GIN1: variants seen among roughly 807,000 people sequenced by gnomAD.
GIN1 encodes gypsy retrotransposon integrase 1, also known as gypsy retrotransposon integrase-like protein 1.
Under a neutral mutation model 51.4 loss-of-function variants are expected in GIN1, and 41 were observed. That is an observed-to-expected ratio of 0.80 (90% CI 0.62 to 1.04). The LOEUF (loss-of-function observed/expected upper bound fraction) is 1.04. GIN1 is among the 50% of genes least tolerant of loss of function. The pLI is 0.00. For missense variants in GIN1, 610 were observed against 612.4 expected (o/e 1.00, Z 0.04); for synonymous variants, 222 against 206.5 (o/e 1.07, Z -0.64).
At chr5:103,099,616 C>A (rs1787511416) in intron 4 of GIN1, among the ~76,000 whole-genome samples, 1 of 152,102 alleles carries the variant, frequency 6.6e-6, no homozygotes, top group Admixed American at 6.5e-5. Flanking sequence ...AGGAATGATC[C>A]AGGGAATCCA....
In GIN1 at chr5:103,106,768, A is replaced by G; in HGVS notation, c.281T>C (p.Leu94Pro). The G allele has an allele frequency of 7.5e-6, 12 of 1,603,910 alleles. No homozygotes were observed. Among genetic ancestry groups the G allele is most frequent in the Non-Finnish European group, 9.4e-6 (11 of 1,174,994 alleles). Residue 94 changes from leucine to proline, a missense_variant, in exon 3 of 8, where the codon CTG becomes CCG. Transcript: ENST00000399004. ...AHHGISRTLT[L>P]VESNYYWTSV... Reference sequence around the variant, plus strand: ...TGTCCAATAATAATTGGATTCTACCAGAGTGAGGGTCCTGGATATACCATG... The same window carrying G: ...TGTCCAATAATAATTGGATTCTACCGGAGTGAGGGTCCTGGATATACCATG...
chr5:103,118,067 A>G (rs1190824556), intron 1 of GIN1, among the ~76,000 whole-genome samples: 4 of 152,204 alleles, frequency 2.6e-5, no homozygotes. Context: ...ATTGTTTAAC[A>G]TAATGTTCAG....
chr5:103,106,681 C>CATTTCTGATAGT (rs1562333080), intron 3 of GIN1, 35 bp downstream of exon 3: 1 of 1,189,438 alleles, frequency 8.4e-7, no homozygotes, highest in African/African-American at 1.6e-5. Context: ...ATCAGAAAGA[C>CATTTCTGATAGT]ATTATTCATA....
chr5:103,094,861 C>A (rs2151463877), intron 7 of GIN1, among the ~76,000 whole-genome samples: 1 of 152,180 alleles, frequency 6.6e-6, no homozygotes, highest in Admixed American at 6.5e-5. Flanking sequence ...TATCTTCTAA[C>A]AAAGAGAACG....
chr5:103,104,572 A>G lies in GIN1; in HGVS notation c.608T>C (p.Ile203Thr). 6.5e-7 allele frequency: 1 copy of G among 1,544,582 alleles called. No homozygotes were observed. Among genetic ancestry groups the G allele is most frequent in the Non-Finnish European group, 8.9e-7 (1 of 1,119,024 alleles). ...FFLYGPPQKI[I>T]MDQRDEFIQQ... is the part of the protein sequence containing the mutation. The stretch of plus-strand genomic sequence containing the variant: ...AATGAATTCATCTCTTTGGTCCATT[A>G]TTATTTTCTGAGGAGGTCCATATAA... The change falls in exon 4 of 8, where the codon ATA becomes ACA. Residue 203 changes from isoleucine (I) to threonine (T), a missense_variant. Ile to Thr is a moderately conservative substitution (Grantham distance 89). Transcript: ENST00000399004.
chr5:103,088,336 T>G (rs1250991087), intron 7 of GIN1, among the ~76,000 whole-genome samples, 164 bp from the exon 8 acceptor site: 1 of 152,086 alleles, frequency 6.6e-6, no homozygotes, highest in Non-Finnish European at 1.5e-5. Flanking sequence ...TGTCAAAGAA[T>G]AAAAAAATGA....
chr5:103,111,182 TA>T (rs59588450), intron 1 of GIN1, among the ~76,000 whole-genome samples: 6 of 149,486 alleles, frequency 4.0e-5, no homozygotes, highest in South Asian at 2.1e-4. Context: ...CCTCAACTCT[TA>T]AAAAAAAAAG....
At chr5:103,115,558 A>C (rs1343174362) in intron 1 of GIN1, among the ~76,000 whole-genome samples, 1 of 152,130 alleles carries the variant, frequency 6.6e-6, no homozygotes, top group African/African-American at 2.4e-5. Flanking sequence ...TTAACTGGTC[A>C]AGAGTTTCAG....
intron 7 of GIN1, among the ~76,000 whole-genome samples, chr5:103,092,171 C>T (rs1357490541): frequency 6.6e-6 from 1 of 152,062 alleles, no homozygotes; most frequent in East Asian, 1.9e-4. Context: ...TGCGTATCAC[C>T]ATGCCCGGCT....
At chr5:103,103,013 G>C (rs1245986950) in intron 4 of GIN1, among the ~76,000 whole-genome samples, 11 of 152,334 alleles carry the variant, frequency 7.2e-5, no homozygotes, top group African/African-American at 2.2e-4. Flanking sequence ...GAGTTAACCT[G>C]ACAGTTAATT....
Position 103,097,699 on chromosome 5 carries a change from C to A in GIN1, c.722G>T (p.Ser241Ile), listed in dbSNP as rs782668467. 1 of 1,600,382 alleles carries A rather than the reference C, an allele frequency of 6.2e-7. No homozygotes were observed. The highest frequency in any genetic ancestry group is 1.3e-5 in the African/African-American group (1 of 74,652). The change falls in exon 5 of 8, where the codon AGT becomes ATT. Residue 241 changes from serine to isoleucine, a missense_variant. Coordinates refer to ENST00000399004, the MANE Select transcript of GIN1 (RefSeq NM_017676.2). ...AAATGCTTTGATTGTGTTAGGTGTA[C>A]TTTCCGTTGGGTTAACAGTTCCAGA... ...HTSGTVNPTE[S>I]TPNTIKAFLS...
chr5:103,111,465 G>A lies in GIN1; in HGVS notation c.-7-2751C>T, dbSNP rs941278570. Among the ~76,000 whole-genome samples, 3 of 152,280 alleles carry A rather than the reference G, an allele frequency of 2.0e-5. No individual in the cohort carries two copies. In the East Asian group the frequency reaches 5.8e-4, roughly 29 times the overall value. On this transcript the variant is annotated intron_variant, in intron 1 of 7. Coordinates refer to ENST00000399004, the MANE Select transcript of GIN1 (RefSeq NM_017676.2). The stretch of plus-strand genomic sequence containing the variant: ...ATATCCCATACTAGCCAGTTGGGAG[G>A]ATGGTATCTGTAGGAAGACGAGGTT...
At chr5:103,088,733 G>C (rs1554194211) in intron 7 of GIN1, among the ~76,000 whole-genome samples, 1 of 152,052 alleles carries the variant, frequency 6.6e-6, no homozygotes, top group Non-Finnish European at 1.5e-5. Context: ...GATTGAGGTT[G>C]CAGTGAGCCA....
chr5:103,089,232 T>C (rs1787166939), intron 7 of GIN1, among the ~76,000 whole-genome samples: 1 of 152,128 alleles, frequency 6.6e-6, no homozygotes. Context: ...TTAAAATGAA[T>C]GTTAAACTGA....
At chr5:103,112,593 A>G (rs1347604868) in intron 1 of GIN1, among the ~76,000 whole-genome samples, 1 of 152,078 alleles carries the variant, frequency 6.6e-6, no homozygotes, top group Non-Finnish European at 1.5e-5. Context: ...CTTGGTTTAC[A>G]TCATTTTCCC....
chr5:103,088,989 G>A (rs1324265049), intron 7 of GIN1, among the ~76,000 whole-genome samples: 1 of 152,092 alleles, frequency 6.6e-6, no homozygotes, highest in Non-Finnish European at 1.5e-5. Flanking sequence ...AATTGTTACA[G>A]TATGAAGTTA....
chr5:103,104,795 G>T lies in GIN1; in HGVS notation c.385C>A (p.Pro129Thr). The part of the protein sequence containing the change: ...QVAKNTVIVA[P>T]KQHLLKVENP... ...TCCACCTTGAGAAGGTGCTGTTTCG[G>T]TGCTACAATAACTGTATTTTTTGCC... The change falls in exon 4 of 8, where the codon CCG becomes ACG. Residue 129 changes from proline (P) to threonine (T), a missense_variant. Coordinates refer to ENST00000399004, the MANE Select transcript of GIN1 (RefSeq NM_017676.2). 6.2e-7 allele frequency: 1 copy of T among 1,612,126 alleles called. No individual in the cohort carries two copies. Among genetic ancestry groups the T allele is most frequent in the South Asian group, 1.1e-5 (1 of 90,924 alleles).
chr5:103,118,624 C>A (rs1424465071), intron 1 of GIN1, among the ~76,000 whole-genome samples: 3 of 151,830 alleles, frequency 2.0e-5, no homozygotes, highest in African/African-American at 7.3e-5. Context: ...AGACAGATGA[C>A]AAGGAGAAAT....
intron 1 of GIN1, among the ~76,000 whole-genome samples, chr5:103,118,607 G>A (rs1788154856): frequency 6.6e-6 from 1 of 152,082 alleles, no homozygotes; most frequent in African/African-American, 2.4e-5. Flanking sequence ...TGGTTCTGGA[G>A]GTAGAGAGAC....
Sources: gnomAD v4.1 joint callset for allele counts (sites outside exome capture counted in the v4.1 genomes callset) on GRCh38, gnomAD v4.1.1 for gene constraint, MANE v1.5 for transcripts, NCBI Gene and HGNC (gene_info 2026-07-23, HGNC 2026-07-21) for gene names.